TRIQK: variants seen among roughly 807,000 people sequenced by gnomAD.
TRIQK encodes triple QxxK/R motif-containing protein.
TRIQK carries 10 observed loss-of-function variants against 10.8 expected under a neutral mutation model. That is an observed-to-expected ratio of 0.92 (90% CI 0.57 to 1.57). TRIQK has a LOEUF of 1.57. TRIQK is among the 40% of genes most tolerant of loss of function. TRIQK has a pLI of 0.00. For missense variants in TRIQK, 107 were observed against 97.7 expected, an observed-to-expected ratio of 1.09 and a Z score of -0.40; for synonymous variants, 33 against 33.7, an observed-to-expected ratio of 0.98 and a Z score of 0.07.
chr8:92,889,439 C>T (rs913279621), intron 4 of TRIQK, among the ~76,000 whole-genome samples: 11 of 151,566 alleles, frequency 7.3e-5, no homozygotes, highest in African/African-American at 9.6e-5. Context: ...TTTATATAAT[C>T]GTTATACAGG....
intron 2 of TRIQK, chr8:92,927,958 A>G (rs1810525908): frequency 6.6e-6 from 1 of 152,222 alleles, no homozygotes; most frequent in South Asian, 2.1e-4. Context: ...ACAATGGAAG[A>G]ATAGTTTCCA....
At chr8:93,009,477 C>G (rs567665994) in intron 1 of TRIQK, among the ~76,000 whole-genome samples, 131 of 152,122 alleles carry the variant, frequency 8.6e-4, no homozygotes, top group African/African-American at 3.0e-3. Context: ...GGCATAATGG[C>G]AGATGCCTGT....
intron 2 of TRIQK, chr8:92,922,641 T>C (rs1016793650): frequency 6.6e-6 from 1 of 151,804 alleles, no homozygotes; most frequent in African/African-American, 2.4e-5. Context: ...ATCAAAAATA[T>C]ATTTTTACCA....
rs1196468769 is a variant in TRIQK at position 93,016,027 on chromosome 8, T to C, written c.-181+1582A>G. Among the ~76,000 whole-genome samples, 7 of 152,172 alleles carry C rather than the reference T, an allele frequency of 4.6e-5. No individual in the cohort carries two copies. The South Asian group carries it at 6.2e-4, about 13-fold the overall frequency. ...TCAGAACTGAACTTAATAAATATAA[T>C]GTATGTTAAAAACATCCTAATTCTT... is the stretch of plus-strand genomic sequence containing the variant. On this transcript the variant is annotated intron_variant, in intron 1 of 4. Transcript: ENST00000520686.
intron 1 of TRIQK, among the ~76,000 whole-genome samples, chr8:93,016,273 GTAA>G (rs1813383805): frequency 1.3e-5 from 2 of 152,068 alleles, no homozygotes; most frequent in Admixed American, 1.3e-4. Context: ...TTCCCACTTG[GTAA>G]TTCAAAAAAG....
chr8:93,001,586 T>C (rs958424256), intron 1 of TRIQK, among the ~76,000 whole-genome samples: 1 of 152,144 alleles, frequency 6.6e-6, no homozygotes, highest in Non-Finnish European at 1.5e-5. Context: ...CAAAATCATA[T>C]AACAGTTATA....
At chr8:92,957,871 G>C (rs1812252806) in intron 1 of TRIQK, among the ~76,000 whole-genome samples, 1 of 151,854 alleles carries the variant, frequency 6.6e-6, no homozygotes, top group South Asian at 2.1e-4. Context: ...AGGGTAACTA[G>C]GGGATTGTTT....
chr8:92,928,587 T>C (rs938323905), intron 2 of TRIQK, among the ~76,000 whole-genome samples: 2 of 152,220 alleles, frequency 1.3e-5, no homozygotes, highest in African/African-American at 4.8e-5. Context: ...AAATTTCCCA[T>C]GTGATTACTG....
chr8:92,958,746 A>G (rs529076391), intron 1 of TRIQK, among the ~76,000 whole-genome samples: 22 of 152,146 alleles, frequency 1.4e-4, no homozygotes, highest in Admixed American at 1.3e-3. Flanking sequence ...CTTACAATTC[A>G]GGTCAGGAGT....
At chr8:92,927,149 T>C (rs913827358) in intron 2 of TRIQK, among the ~76,000 whole-genome samples, 5 of 152,150 alleles carry the variant, frequency 3.3e-5, no homozygotes. Flanking sequence ...GAATCTATTA[T>C]AGCACTGGAC....
In TRIQK at chr8:92,985,511, G is replaced by T. The variant is rs1442584740; in HGVS notation, c.-180-30947C>A. ...ACAAAAAATTGGGGGATAGCTTAGT[G>T]TAGAGACATCAGAGGAGATTTAGCT... is the stretch of plus-strand genomic sequence containing the variant. On this transcript the variant is annotated intron_variant, in intron 1 of 4. Transcript: ENST00000520686. 2.0e-5 allele frequency among the ~76,000 whole-genome samples: 3 copies of T among 152,112 alleles called. No individual in the cohort carries two copies. The East Asian group carries it at 5.8e-4, about 29-fold the overall frequency.
At chr8:92,999,616 C>T (rs1813187807) in intron 1 of TRIQK, among the ~76,000 whole-genome samples, 1 of 152,140 alleles carries the variant, frequency 6.6e-6, no homozygotes, top group Non-Finnish European at 1.5e-5. Context: ...AATTTGTGGA[C>T]TTCGTTAATT....
intron 1 of TRIQK, among the ~76,000 whole-genome samples, chr8:92,957,137 A>G (rs1303975398): frequency 6.6e-6 from 1 of 151,968 alleles, no homozygotes; most frequent in East Asian, 1.9e-4. Flanking sequence ...TCTTTCCTCT[A>G]TGTATTAGAG....
chr8:93,015,499 G>A (rs528768672), intron 1 of TRIQK, among the ~76,000 whole-genome samples: 1 of 147,542 alleles, frequency 6.8e-6, no homozygotes, highest in South Asian at 2.2e-4. Context: ...TATTTAAGGT[G>A]TATAGCTTGA....
chr8:92,885,207 T>A lies in TRIQK; in HGVS notation c.*1415A>T, dbSNP rs958554304. ...AAATTATGCTACTTGAAAAAAATTC[T>A]ACAGAACATAATGCTACACAGTCAC... On this transcript the variant is annotated 3_prime_UTR_variant, in exon 5 of 5. Transcript: ENST00000521988. 4.8e-5 allele frequency: 17 copies of A among 354,472 alleles called. No homozygotes were observed. The highest frequency in any genetic ancestry group is 7.8e-5 in the Non-Finnish European group (14 of 179,848). The allele number at this position is 354,472 out of a possible 1,614,324, so 22.0% of individuals were successfully genotyped here.
intron 1 of TRIQK, among the ~76,000 whole-genome samples, chr8:93,009,332 G>A (rs1365058545): frequency 1.3e-5 from 2 of 152,146 alleles, no homozygotes; most frequent in Non-Finnish European, 2.9e-5. Flanking sequence ...AAAAGAGGCC[G>A]GGTGCAGTGG....
intron 1 of TRIQK, among the ~76,000 whole-genome samples, chr8:92,974,935 A>AT (rs559392934): frequency 2.6e-5 from 4 of 152,250 alleles, no homozygotes; most frequent in Non-Finnish European, 5.9e-5. Flanking sequence ...ATAACTAGCT[A>AT]TTTTTTTCCA....
chr8:93,006,625 G>A (rs763707273), intron 1 of TRIQK, among the ~76,000 whole-genome samples: 5 of 152,200 alleles, frequency 3.3e-5, no homozygotes, highest in Non-Finnish European at 5.9e-5. Context: ...GGGAGGGGCA[G>A]CAGCCATCAC....
Position 92,916,911 on chromosome 8 carries a change from A to G in TRIQK, c.61+18T>C, listed in dbSNP as rs1390477761. On this transcript the variant is annotated intron_variant, in intron 3 of 4. Transcript: ENST00000521988. ...ATCTCAATTAATAGGAGTGTATCAA[A>G]GATAATTCATTGCTTACCAATTTGT... 6.2e-6 allele frequency: 9 copies of G among 1,444,256 alleles called. No homozygotes were observed. Among genetic ancestry groups the G allele is most frequent in the Non-Finnish European group, 7.3e-6 (8 of 1,102,736 alleles). The allele number at this position is 1,444,256 out of a possible 1,614,324, so 89.5% of individuals were successfully genotyped here.
Sources: gnomAD v4.1 joint callset for allele counts (sites outside exome capture counted in the v4.1 genomes callset) on GRCh38, gnomAD v4.1.1 for gene constraint, MANE v1.5 for transcripts, NCBI Gene and HGNC (gene_info 2026-07-23, HGNC 2026-07-21) for gene names.